The following MBTPS1 variants were observed in gnomAD, a reference collection of about 807,000 sequenced individuals.
The protein encoded by MBTPS1 is membrane-bound transcription factor site-1 protease.
A neutral mutation model predicts 127.8 loss-of-function variants in MBTPS1; 94 were observed. The observed-to-expected ratio is 0.74, with a 90% CI of 0.62 to 0.87. The LOEUF is 0.87. MBTPS1 is among the 40% of genes least tolerant of loss of function. The pLI is 0.00. For missense variants in MBTPS1, 1,636 were observed against 1,353.2 expected, an observed-to-expected ratio of 1.21 and a Z score of -3.28; for synonymous variants, 632 against 509.4, an observed-to-expected ratio of 1.24 and a Z score of -3.24.
At chr16:84,116,557 G>A (rs950659807) in intron 1 of MBTPS1, among the ~76,000 whole-genome samples, 178 bp downstream of exon 1, 1 of 152,304 alleles carries the variant, frequency 6.6e-6, no homozygotes, top group East Asian at 1.9e-4. Flanking sequence ...CAGGGCCGCG[G>A]TACAGGCACG....
intron 1 of MBTPS1, among the ~76,000 whole-genome samples, chr16:84,110,104 G>C (rs2151174368): frequency 6.6e-6 from 1 of 152,266 alleles, no homozygotes; most frequent in East Asian, 1.9e-4. Flanking sequence ...TTTAAATGTG[G>C]TGACAGGCAC....
intron 11 of MBTPS1, 44 bp from the exon 12 acceptor site, chr16:84,074,785 C>G (rs2085828566): frequency 1.3e-6 from 2 of 1,562,324 alleles, no homozygotes; most frequent in East Asian, 2.3e-5. Context: ...TATGAGAAAA[C>G]TACAATGAAG....
chr16:84,104,532 G>T (rs1416897369), intron 1 of MBTPS1, among the ~76,000 whole-genome samples: 1 of 152,106 alleles, frequency 6.6e-6, no homozygotes, highest in Non-Finnish European at 1.5e-5. Context: ...AAGAATCTAT[G>T]ACACATGTGG....
At chr16:84,096,583 C>T (rs538289746) in intron 3 of MBTPS1, among the ~76,000 whole-genome samples, 2 of 152,298 alleles carry the variant, frequency 1.3e-5, no homozygotes, top group South Asian at 4.1e-4. Context: ...ATGAACAAGT[C>T]ATATTTCAAA....
chr16:84,093,560 T>A lies in MBTPS1; in HGVS notation c.736+151A>T, dbSNP rs998744589. The A allele has an allele frequency of 2.4e-5, 16 of 673,802 alleles. No individual in the cohort carries two copies. In the African/African-American group the frequency reaches 2.8e-4, roughly 12 times the overall value. 41.7% of individuals were successfully genotyped at this position (673,802 alleles called of 1,614,324 possible). On this transcript the variant is annotated intron_variant, in intron 5 of 22. Coordinates refer to ENST00000343411, the MANE Select transcript of MBTPS1 (RefSeq NM_003791.4). ...CCTGAAGTGCTACCTCCCGACATCC[T>A]ATGAGGTATTCAGAGCAGTTTCTGC... is the stretch of plus-strand genomic sequence containing the variant.
rs71382894 is a variant in MBTPS1, at chr16:84,097,837, CGTGTGTGTGTGTGTGT to C, written c.421+1200_421+1215del. On this transcript the variant is annotated intron_variant, in intron 3 of 22. Coordinates refer to ENST00000343411, the MANE Select transcript of MBTPS1 (RefSeq NM_003791.4). ...TTACTATGAAAATTAAACTTCTCTT[CGTGTGTGTGTGTGTGT>C]GTGTGTGTGTGTGTGTGTTTGTGTG... Among the ~76,000 whole-genome samples, 3 of 143,132 alleles carry C rather than the reference CGTGTGTGTGTGTGTGT, an allele frequency of 2.1e-5. No individual in the cohort carries two copies. In the South Asian group the frequency reaches 6.9e-4, roughly 33 times the overall value. The allele number at this position is 143,132 out of a possible 152,430, so 93.9% of individuals were successfully genotyped here. A position where few individuals can be genotyped will look rare whatever the true frequency, so the allele number is the denominator to read the frequency against.
At chr16:84,085,585 A>C (rs1326497056) in intron 9 of MBTPS1, among the ~76,000 whole-genome samples, 1 of 85,038 alleles carries the variant, frequency 1.2e-5, no homozygotes, top group Non-Finnish European at 2.3e-5. Context: ...CCCCCCCAAA[A>C]AAAAAGAGAA....
chr16:84,077,126 G>A (rs1040896836), intron 11 of MBTPS1, among the ~76,000 whole-genome samples: 2 of 151,738 alleles, frequency 1.3e-5, no homozygotes, highest in African/African-American at 4.8e-5. Context: ...TTGGGAGGCT[G>A]AGACGGGACA....
At chr16:84,060,188 C>T (rs2151140987) in intron 20 of MBTPS1, 1 of 154,188 alleles carries the variant, frequency 6.5e-6, no homozygotes, top group Non-Finnish European at 1.4e-5. Flanking sequence ...ACATACCGCC[C>T]AGGCGATCTC....
intron 8 of MBTPS1, among the ~76,000 whole-genome samples, chr16:84,090,077 C>G (rs2086082628): frequency 6.6e-6 from 1 of 152,210 alleles, no homozygotes; most frequent in South Asian, 2.1e-4. Context: ...CTATGAATGC[C>G]AATATTCACG....
At chr16:84,113,075 C>T (rs2086421672) in intron 1 of MBTPS1, among the ~76,000 whole-genome samples, 1 of 151,268 alleles carries the variant, frequency 6.6e-6, no homozygotes, top group Non-Finnish European at 1.5e-5. Flanking sequence ...TGTATATATA[C>T]TAGAGCTTAA....
intron 13 of MBTPS1, 45 bp downstream of exon 13, chr16:84,070,543 T>C (rs745309135): frequency 7.2e-5 from 114 of 1,593,064 alleles, no homozygotes; most frequent in Middle Eastern, 6.9e-4. Context: ...TGAAAGGTGA[T>C]GTCAAACAGC....
At chr16:84,106,325 A>G (rs1452242309) in intron 1 of MBTPS1, among the ~76,000 whole-genome samples, 1 of 152,096 alleles carries the variant, frequency 6.6e-6, no homozygotes, top group East Asian at 1.9e-4. Flanking sequence ...ATAAATAAGA[A>G]AACACAAAGA....
chr16:84,093,847 A>G, intron 4 of MBTPS1, 26 bp from the exon 5 acceptor site: 1 of 1,459,466 alleles, frequency 6.9e-7, no homozygotes, highest in South Asian at 1.1e-5. Context: ...AAGCAAACAC[A>G]ATTATGTTTG....
At chr16:84,104,060 C>G (rs1343033852) in intron 1 of MBTPS1, among the ~76,000 whole-genome samples, 1 of 152,132 alleles carries the variant, frequency 6.6e-6, no homozygotes, top group East Asian at 1.9e-4. Flanking sequence ...TTGATACATC[C>G]AGCAATGGAG....
rs775312827 is a variant in MBTPS1 at position 84,068,419 on chromosome 16, A to G, written c.1991T>C (p.Met664Thr). Residue 664 changes from methionine (M) to threonine (T), a missense_variant, in exon 15 of 23, where the codon ATG (methionine) becomes ACG (threonine). Coordinates refer to ENST00000343411, the MANE Select transcript of MBTPS1 (RefSeq NM_003791.4). ...GDHIHTNFRDMYQHLRSMGYF... is the reference protein window; with the variant it reads ...GDHIHTNFRDTYQHLRSMGYF... ...GCCCATGCTTCTCAGATGCTGGTAC[A>G]TATCCCTGAAATTGGTGTGGATGTG... 3.0e-5 allele frequency: 49 copies of G among 1,614,080 alleles called. 1 individual carries two copies. The South Asian group carries it at 3.7e-4, about 12-fold the overall frequency.
At chr16:84,066,671 T>G in intron 16 of MBTPS1, 58 bp from the exon 17 acceptor site, 2 of 1,524,516 alleles carry the variant, frequency 1.3e-6, no homozygotes, top group Non-Finnish European at 1.8e-6. Flanking sequence ...CCATACACAG[T>G]TATTTAGTCT....
chr16:84,095,603 T>C lies in MBTPS1; in HGVS notation c.624A>G (p.Thr208=), dbSNP rs776056677. 5.6e-6 allele frequency: 9 copies of C among 1,614,062 alleles called. No homozygotes were observed. In the South Asian group the frequency reaches 6.6e-5, roughly 12 times the overall value. The part of the protein sequence containing the change: ...QADVLWQMGY[T]GANVRVAVFD... ...CCTTCCCTGGGTAATAGCACACACC[T>C]GTATATCCCATCTGCCAGAGCACAT... The change falls in exon 4 of 23, where the codon ACA becomes ACG. Residue 208 remains threonine, a splice_region_variant and synonymous_variant. Coordinates refer to ENST00000343411, the MANE Select transcript of MBTPS1 (RefSeq NM_003791.4).
chr16:84,109,820 T>C (rs1298330049), intron 1 of MBTPS1, among the ~76,000 whole-genome samples: 1 of 152,150 alleles, frequency 6.6e-6, no homozygotes, highest in Non-Finnish European at 1.5e-5. Context: ...TGCCCGTGGA[T>C]CAGATGGTAG....
Sources: gnomAD v4.1 joint callset for allele counts (sites outside exome capture counted in the v4.1 genomes callset) on GRCh38, gnomAD v4.1.1 for gene constraint, MANE v1.5 for transcripts, NCBI Gene and HGNC (gene_info 2026-07-23, HGNC 2026-07-21) for gene names.